CHD6: variants seen among roughly 807,000 people sequenced by gnomAD.
The protein encoded by CHD6 is ATP-dependent chromatin remodeler CHD6.
Under a neutral mutation model 276.9 loss-of-function variants are expected in CHD6, and 50 were observed. The observed-to-expected ratio is 0.18, with a 90% CI of 0.14 to 0.23. The LOEUF (loss-of-function observed/expected upper bound fraction) is 0.23. Ranked by LOEUF, CHD6 falls within the 10% of genes least tolerant of loss-of-function variation. CHD6 has a pLI of 1.00. For missense variants in CHD6, 2,564 were observed against 3,365.8 expected (o/e 0.76, Z 5.89); for synonymous variants, 1,173 against 1,229.3 (o/e 0.95, Z 0.96).
chr20:41,406,752 C>A (rs1399633027), intron 36 of CHD6, among the ~76,000 whole-genome samples: 3 of 152,238 alleles, frequency 2.0e-5, no homozygotes, highest in African/African-American at 7.2e-5. Context: ...GCCTTTCTCT[C>A]TCTCGACTGC....
chr20:41,491,331 T>C (rs1001255256), intron 11 of CHD6, among the ~76,000 whole-genome samples: 4 of 148,532 alleles, frequency 2.7e-5, no homozygotes, highest in Admixed American at 2.7e-4. Flanking sequence ...TATAAATATA[T>C]ATATATATTT....
chr20:41,420,630 T>C lies in CHD6; in HGVS notation c.6005A>G (p.Glu2002Gly), dbSNP rs2047156316. The C allele has an allele frequency of 3.7e-6, 6 of 1,614,232 alleles. No individual in the cohort carries two copies. The highest frequency in any genetic ancestry group is 4.5e-5 in the East Asian group (2 of 44,890). ...GAAAACGTTTTGCCCCTCTGCACTT[T>C]CTTTCCAAGGTTCTTTTAAAAGCTC... The part of the protein sequence containing the change: ...KHELLKEPWK[E>G]SAEGQNVFPT... Residue 2002 changes from glutamate (E) to glycine (G), a missense_variant, in exon 31 of 37, where the codon GAA becomes GGA. Glu to Gly is a moderately conservative substitution (Grantham distance 98). Coordinates refer to ENST00000373233, the MANE Select transcript of CHD6 (RefSeq NM_032221.5).
intron 28 of CHD6, 96 bp from the exon 29 acceptor site, chr20:41,425,490 A>C (rs1258314770): frequency 8.2e-7 from 1 of 1,213,214 alleles, no homozygotes; most frequent in Non-Finnish European, 1.2e-6. Context: ...AAGCTGACTC[A>C]ATAATTTACT....
intron 35 of CHD6, among the ~76,000 whole-genome samples, chr20:41,412,634 C>T (rs530939000): frequency 6.6e-6 from 1 of 152,222 alleles, no homozygotes; most frequent in Non-Finnish European, 1.5e-5. Flanking sequence ...GGAGGGTGCA[C>T]ATCTGTGAAT....
rs111863525 is a variant in CHD6 at position 41,495,391 on chromosome 20, T to C, written c.1093-1447A>G. ...CAAATATTGTATGATCTCACTTATA[T>C]GTGGAATATAAAATAATCAAACTCA... On this transcript the variant is annotated intron_variant, in intron 8 of 36. Transcript: ENST00000373233. Among the ~76,000 whole-genome samples the C allele has an allele frequency of 7.5e-3, 1,141 of 152,296 alleles. 17 individuals carry two copies. The highest frequency in any genetic ancestry group is 0.026 in the African/African-American group (1,079 of 41,544).
chr20:41,538,948 T>C (rs1568688191), intron 2 of CHD6, among the ~76,000 whole-genome samples: 3 of 152,120 alleles, frequency 2.0e-5, no homozygotes, highest in South Asian at 2.1e-4. Flanking sequence ...CACCCACCTA[T>C]GGGACAGCCA....
At chr20:41,605,086 T>C (rs2045813970) in intron 1 of CHD6, among the ~76,000 whole-genome samples, 1 of 152,172 alleles carries the variant, frequency 6.6e-6, no homozygotes, top group Non-Finnish European at 1.5e-5. Context: ...GTAAAGTATT[T>C]ATGGGTGAAG....
chr20:41,616,651 C>T (rs1300116304), intron 1 of CHD6, among the ~76,000 whole-genome samples: 1 of 152,200 alleles, frequency 6.6e-6, no homozygotes, highest in Non-Finnish European at 1.5e-5. Flanking sequence ...AATCTTACCA[C>T]TCCGCATTTT....
intron 1 of CHD6, among the ~76,000 whole-genome samples, chr20:41,559,380 C>G (rs1171546161): frequency 1.3e-5 from 2 of 152,204 alleles, no homozygotes; most frequent in East Asian, 1.9e-4. Flanking sequence ...ACAACATGAA[C>G]AAATCCTCTA....
Position 41,452,592 on chromosome 20 carries a change from G to C in CHD6, c.3323+148C>G. ...TGACTGAGACGGATTCTGGGCAGAA[G>C]GCACAGTTCTCTCTTGCTCCAACAG... On this transcript the variant is annotated intron_variant, in intron 21 of 36. Coordinates refer to ENST00000373233, the MANE Select transcript of CHD6 (RefSeq NM_032221.5). The surrounding 1 kb of genome is among the most constrained non-coding windows in gnomAD (Gnocchi z 4.2). The C allele has an allele frequency of 4.3e-6, 3 of 691,480 alleles. No homozygotes were observed. Among genetic ancestry groups the C allele is most frequent in the Non-Finnish European group, 7.3e-6 (3 of 412,940 alleles). The allele number at this position is 691,480 out of a possible 1,614,324, so 42.8% of individuals were successfully genotyped here.
At position 41,412,256 on chromosome 20, in the gene CHD6, G is replaced by A; in HGVS notation, c.7139C>T (p.Ser2380Leu). ...LEVPGFGANFSDKPKQRRPRC... is the reference protein window; with the variant it reads ...LEVPGFGANFLDKPKQRRPRC... Reference sequence around the variant, plus strand: ...TGGCCTCCTCTGCTTTGGTTTGTCTGAAAAATTCTAGGATGAAAACGGAGA... The same window carrying A: ...TGGCCTCCTCTGCTTTGGTTTGTCTAAAAAATTCTAGGATGAAAACGGAGA... Residue 2380 changes from serine to leucine, a missense_variant, in exon 36 of 37, where the codon TCA becomes TTA. By Grantham distance (145) the Ser-to-Leu change is moderately radical. Coordinates refer to ENST00000373233, the MANE Select transcript of CHD6 (RefSeq NM_032221.5). The A allele has an allele frequency of 6.2e-7, 1 of 1,614,046 alleles. No homozygotes were observed.
At chr20:41,598,795 C>T (rs1369266027) in intron 1 of CHD6, among the ~76,000 whole-genome samples, 10 of 152,156 alleles carry the variant, frequency 6.6e-5, no homozygotes, top group Admixed American at 6.5e-4. Flanking sequence ...TGCCCTTGTT[C>T]ATCCCCAAGC....
rs766473396 is a variant in CHD6 at position 41,403,617 on chromosome 20, A to C, written c.*976T>G. 9.4e-7 allele frequency: 1 copy of C among 1,062,322 alleles called. No individual in the cohort carries two copies. Among genetic ancestry groups the C allele is most frequent in the East Asian group, 5.1e-5 (1 of 19,686 alleles). The allele number at this position is 1,062,322 out of a possible 1,614,324, so 65.8% of individuals were successfully genotyped here. ...ATCAAAGGACCTACTAGCAAGTGTC[A>C]AAGTGTTGGGCAACTGTCTTCTTGC... On this transcript the variant is annotated 3_prime_UTR_variant, in exon 37 of 37. Coordinates refer to ENST00000373233, the MANE Select transcript of CHD6 (RefSeq NM_032221.5).
At position 41,447,942 on chromosome 20, in the gene CHD6, T is replaced by A. The variant is rs1178974176; in HGVS notation, c.3713A>T (p.Tyr1238Phe). The change falls in exon 24 of 37, where the codon TAC becomes TTC. Residue 1238 changes from tyrosine to phenylalanine, a missense_variant. Physicochemically the swap from Tyr to Phe is conservative, Grantham distance 22 (BLOSUM62 3). Coordinates refer to ENST00000373233, the MANE Select transcript of CHD6 (RefSeq NM_032221.5). ...KVLLRVRMLYYLKAEILGEAA... is the reference protein window; with the variant it reads ...KVLLRVRMLYFLKAEILGEAA... ...TTCTCCCAGTATTTCAGCTTTTAGG[T>A]AGTACAGCATCCGGACTCGCAAAAG... The A allele has an allele frequency of 1.2e-6, 2 of 1,611,640 alleles. No homozygotes were observed. The highest frequency in any genetic ancestry group is 1.7e-6 in the Non-Finnish European group (2 of 1,178,810).
intron 1 of CHD6, among the ~76,000 whole-genome samples, chr20:41,589,215 T>A (rs1422908299): frequency 2.0e-5 from 3 of 152,194 alleles, no homozygotes; most frequent in Non-Finnish European, 4.4e-5. Context: ...ATGGGACATA[T>A]CTCAAAATAC....
rs185722157 is a variant in CHD6, at chr20:41,538,462, A to G, written c.34-4892T>C. Among the ~76,000 whole-genome samples the G allele has an allele frequency of 5.7e-4, 87 of 152,350 alleles. No homozygotes were observed. In the East Asian group the frequency reaches 0.013, roughly 22 times the overall value. The stretch of plus-strand genomic sequence containing the variant: ...AAATCAGCCAGACACAAAAGGCCAC[A>G]TATTGTATAATTCCATTTATATGAA... On this transcript the variant is annotated intron_variant, in intron 2 of 36. Transcript: ENST00000373233.
chr20:41,448,035 C>T, intron 23 of CHD6, 64 bp from the exon 24 acceptor site: 1 of 881,474 alleles, frequency 1.1e-6, no homozygotes, highest in Non-Finnish European at 1.8e-6. Flanking sequence ...GAACCACATC[C>T]CCAAGTTAAC....
At position 41,481,453 on chromosome 20, in the gene CHD6, A is replaced by G. The variant is rs555403827; in HGVS notation, c.2468+1856T>C. Reference sequence around the variant, plus strand: ...CCACAAAAATGAAATATAAATAACAAATATGAAAAAATACTCACTCTCATT... The same window carrying G: ...CCACAAAAATGAAATATAAATAACAGATATGAAAAAATACTCACTCTCATT... On this transcript the variant is annotated intron_variant, in intron 16 of 36. Transcript: ENST00000373233. Among the ~76,000 whole-genome samples, 14 of 152,226 alleles carry G rather than the reference A, an allele frequency of 9.2e-5. 3 individuals carry two copies. Among genetic ancestry groups the G allele is most frequent in the African/African-American group, 3.4e-4 (14 of 41,564 alleles).
At chr20:41,427,842 A>G (rs1007020198) in intron 27 of CHD6, among the ~76,000 whole-genome samples, 3 of 152,262 alleles carry the variant, frequency 2.0e-5, no homozygotes, top group African/African-American at 7.2e-5. Flanking sequence ...TATGCCTTAT[A>G]TAATTTCCTG....
Sources: allele counts gnomAD v4.1 joint callset (sites outside exome capture counted in the v4.1 genomes callset), GRCh38; gene constraint gnomAD v4.1.1; non-coding constraint Gnocchi (gnomAD v3.1); transcripts MANE v1.5; gene names NCBI Gene and HGNC (gene_info 2026-07-23, HGNC 2026-07-21).